Variants in UMODL1 observed in about 807,000 individuals in gnomAD.
UMODL1 encodes the protein uromodulin-like 1.
In UMODL1, 128 loss-of-function variants were observed where a neutral mutation model predicts 136.3. The observed-to-expected ratio is 0.94, with a 90% CI of 0.81 to 1.09. UMODL1 has a LOEUF of 1.09. UMODL1 is among the 50% of genes least tolerant of loss of function. The probability of loss-of-function intolerance (pLI) is 0.00; values close to 1 mark genes in which losing one functional copy is unlikely to be tolerated. For missense variants in UMODL1, 1,766 were observed against 1,725.6 expected (o/e 1.02, Z -0.41); for synonymous variants, 721 against 720.0 (o/e 1.00, Z -0.02).
At chr21:42,141,176 G>A (rs977470600) in intron 22 of UMODL1, among the ~76,000 whole-genome samples, 1 of 152,170 alleles carries the variant, frequency 6.6e-6, no homozygotes, top group Non-Finnish European at 1.5e-5. Context: ...ATCCTCCCAG[G>A]TCACCAGCAA....
chr21:42,104,281 G>A (rs994830769), intron 9 of UMODL1, among the ~76,000 whole-genome samples, 194 bp downstream of exon 9: 1 of 152,200 alleles, frequency 6.6e-6, no homozygotes, highest in Non-Finnish European at 1.5e-5. Flanking sequence ...TCATTGGTCA[G>A]CCCAGGACAC....
At chr21:42,065,891 C>CT (rs1213911967) in intron 1 of UMODL1, among the ~76,000 whole-genome samples, 3 of 152,190 alleles carry the variant, frequency 2.0e-5, no homozygotes, top group Non-Finnish European at 2.9e-5. Flanking sequence ...CCAGGCCTGG[C>CT]TGGCACCCTA....
At chr21:42,140,907 G>A (rs1233678586) in intron 22 of UMODL1, among the ~76,000 whole-genome samples, 2 of 152,090 alleles carry the variant, frequency 1.3e-5, no homozygotes, top group East Asian at 3.9e-4. Context: ...TTGGCCTCTG[G>A]TTTGGGGCCC....
intron 6 of UMODL1, among the ~76,000 whole-genome samples, chr21:42,096,989 T>C (rs2066566216): frequency 6.6e-6 from 1 of 152,206 alleles, no homozygotes; most frequent in Non-Finnish European, 1.5e-5. Context: ...GTGGGGGGTC[T>C]TTTTGATTCC....
rs1372055547 is a variant in UMODL1, at chr21:42,071,366, G to A, written c.50G>A (p.Gly17Asp). Residue 17 changes from glycine to aspartate, a missense_variant, in exon 1 of 23, where the codon GGC becomes GAC. Physicochemically the swap from Gly to Asp is moderately conservative, Grantham distance 94. Transcript: ENST00000408910. ...LALLALVSAV[G>D]PSQASGFTEK... ...CTGCTGGCTCTGGTCAGTGCTGTGG[G>A]CCCAAGCCAGGCCAGCGGCTTCACA... 1.9e-6 allele frequency: 3 copies of A among 1,595,246 alleles called. No individual in the cohort carries two copies. Among genetic ancestry groups the A allele is most frequent in the Non-Finnish European group, 2.6e-6 (3 of 1,171,398 alleles).
intron 11 of UMODL1, 91 bp from the exon 12 acceptor site, chr21:42,111,415 G>C (rs770906896): frequency 6.2e-7 from 1 of 1,613,558 alleles, no homozygotes; most frequent in South Asian, 1.1e-5. Context: ...CTATCGGGGT[G>C]ATAGGCACCA....
rs771225997 is a variant in UMODL1, at chr21:42,088,495, A to G, written c.790+15A>G. Reference sequence around the variant, plus strand: ...CCAGGTGCAAGGTTGGGCTTCCCTCAATCCTCCCTCTGGGGAGGCTGCAGG... The same window carrying G: ...CCAGGTGCAAGGTTGGGCTTCCCTCGATCCTCCCTCTGGGGAGGCTGCAGG... On this transcript the variant is annotated intron_variant, in intron 5 of 22. Coordinates refer to ENST00000408910, the MANE Select transcript of UMODL1 (RefSeq NM_001004416.3). 1 of 1,586,112 alleles carries G rather than the reference A, an allele frequency of 6.3e-7. No individual in the cohort carries two copies. The highest frequency in any genetic ancestry group is 8.6e-7 in the Non-Finnish European group (1 of 1,158,734).
chr21:42,124,897 C>T (rs1174638686), intron 17 of UMODL1, among the ~76,000 whole-genome samples: 1 of 152,156 alleles, frequency 6.6e-6, no homozygotes, highest in African/African-American at 2.4e-5. Context: ...CCGCATGGGT[C>T]AGGCATCATC....
intron 18 of UMODL1, among the ~76,000 whole-genome samples, 196 bp downstream of exon 18, chr21:42,126,686 G>A (rs1056054383): frequency 9.9e-5 from 15 of 152,212 alleles, no homozygotes; most frequent in African/African-American, 3.4e-4. Context: ...AATATGTCCC[G>A]TGGCCAATCC....
At position 42,109,560 on chromosome 21, in the gene UMODL1, A is replaced by T. The variant is rs2066785296; in HGVS notation, c.1520-2A>T. The stretch of plus-strand genomic sequence containing the variant: ...GGTTTTGATTGTGTCTCCCCCTGGC[A>T]GACTGGGACGAGTGTGTGGACAGCG... On this transcript the variant is annotated splice_acceptor_variant, in intron 9 of 22. Coordinates refer to ENST00000408910, the MANE Select transcript of UMODL1 (RefSeq NM_001004416.3). LOFTEE classifies it high-confidence loss of function. 1.2e-6 allele frequency: 2 copies of T among 1,610,722 alleles called. No homozygotes were observed. The highest frequency in any genetic ancestry group is 8.5e-7 in the Non-Finnish European group (1 of 1,179,994).
At chr21:42,109,451 C>A in intron 9 of UMODL1, 111 bp from the exon 10 acceptor site, 1 of 1,486,326 alleles carries the variant, frequency 6.7e-7, no homozygotes. Flanking sequence ...CCCCTGCTCC[C>A]GGCCGTTCAC....
intron 6 of UMODL1, among the ~76,000 whole-genome samples, chr21:42,097,929 G>A (rs1255165726): frequency 6.6e-6 from 1 of 152,206 alleles, no homozygotes; most frequent in African/African-American, 2.4e-5. Context: ...CATAAAAAGG[G>A]CAATAAAGGA....
intron 15 of UMODL1, chr21:42,120,484 C>G (rs546249004): frequency 6.6e-6 from 1 of 152,258 alleles, no homozygotes; most frequent in Non-Finnish European, 1.5e-5. Flanking sequence ...GTCCCCGCCC[C>G]GGGCTGTTAT....
At chr21:42,100,019 C>T (rs1187044304) in intron 7 of UMODL1, among the ~76,000 whole-genome samples, 1 of 152,148 alleles carries the variant, frequency 6.6e-6, no homozygotes, top group Non-Finnish European at 1.5e-5. Context: ...CTGGGTCTGT[C>T]CCGGGCAGCC....
At chr21:42,079,852 T>G in intron 2 of UMODL1, among the ~76,000 whole-genome samples, 1 of 152,176 alleles carries the variant, frequency 6.6e-6, no homozygotes, top group Non-Finnish European at 1.5e-5. Context: ...AGCTGCACTT[T>G]AGTATAAGGG....
chr21:42,081,817 C>T (rs2066365612), intron 2 of UMODL1, among the ~76,000 whole-genome samples: 1 of 152,190 alleles, frequency 6.6e-6, no homozygotes, highest in South Asian at 2.1e-4. Flanking sequence ...CCCCTGTTTT[C>T]CCCTGAATGT....
chr21:42,090,257 C>T (rs548503437), intron 5 of UMODL1, 41 bp from the exon 6 acceptor site: 1 of 1,610,860 alleles, frequency 6.2e-7, no homozygotes, highest in East Asian at 2.2e-5. Flanking sequence ...GACGAGGTAG[C>T]TGCGACTGCT....
At chr21:42,077,893 G>C (rs1464446400) in intron 2 of UMODL1, among the ~76,000 whole-genome samples, 1 of 152,180 alleles carries the variant, frequency 6.6e-6, no homozygotes, top group Non-Finnish European at 1.5e-5. Context: ...AGAAACCAAG[G>C]GCCCCAGATT....
intron 3 of UMODL1, 49 bp downstream of exon 3, chr21:42,084,294 C>T (rs760594898): frequency 1.3e-5 from 20 of 1,596,144 alleles, no homozygotes; most frequent in Middle Eastern, 3.6e-4. Context: ...AGGCGGGTCT[C>T]GGTGAGGCCT....
Sources: allele counts gnomAD v4.1 joint callset (sites outside exome capture counted in the v4.1 genomes callset), GRCh38; gene constraint gnomAD v4.1.1; transcripts MANE v1.5; gene names NCBI Gene and HGNC (gene_info 2026-07-23, HGNC 2026-07-21).